Variants in MLLT3 observed in about 807,000 individuals in gnomAD.
MLLT3 encodes MLLT3 super elongation complex subunit, also known as protein AF-9.
Under a neutral mutation model 53.2 loss-of-function variants are expected in MLLT3, and 4 were observed. The observed-to-expected ratio is 0.08, with a 90% confidence interval of 0.04 to 0.17. MLLT3 has a LOEUF of 0.17. Ranked by LOEUF, MLLT3 falls within the 10% of genes least tolerant of loss-of-function variation. The probability of loss-of-function intolerance (pLI) is 1.00; values close to 1 mark genes in which losing one functional copy is unlikely to be tolerated. For missense variants in MLLT3, 569 were observed against 684.0 expected (o/e 0.83, Z 1.87); for synonymous variants, 283 against 230.6 (o/e 1.23, Z -2.06).
intron 2 of MLLT3, among the ~76,000 whole-genome samples, chr9:20,564,159 T>A (rs1292553787): frequency 1.3e-5 from 2 of 152,150 alleles, no homozygotes; most frequent in Non-Finnish European, 2.9e-5. Context: ...GTGCATACCC[T>A]TCCCTGGATG....
chr9:20,451,532 T>A (rs1013147242), intron 3 of MLLT3, among the ~76,000 whole-genome samples: 1 of 152,076 alleles, frequency 6.6e-6, no homozygotes, highest in Non-Finnish European at 1.5e-5. Context: ...TTTTTAAAGA[T>A]TTTTTTTAAG....
Position 20,344,605 on chromosome 9 carries a change from G to C in MLLT3, c.*1838C>G. 1 of 210,766 alleles carries C rather than the reference G, an allele frequency of 4.7e-6. No individual in the cohort carries two copies. The highest frequency in any genetic ancestry group is 9.6e-6 in the Non-Finnish European group (1 of 103,660). The allele number at this position is 210,766 out of a possible 1,614,324, so 13.1% of individuals were successfully genotyped here. ...TAAGAATCATAACATTATTGAGAAA[G>C]TACACTTGTCCTCTGGGAGGACGCT... On this transcript the variant is annotated 3_prime_UTR_variant, in exon 11 of 11. Transcript: ENST00000380338.
intron 2 of MLLT3, among the ~76,000 whole-genome samples, chr9:20,616,735 C>T (rs1459135029): frequency 6.6e-6 from 1 of 152,036 alleles, no homozygotes. Flanking sequence ...ATAGATATAC[C>T]TCTTTTTATA....
At chr9:20,610,667 C>T (rs1190864344) in intron 2 of MLLT3, among the ~76,000 whole-genome samples, 2 of 152,086 alleles carry the variant, frequency 1.3e-5, no homozygotes, top group Non-Finnish European at 2.9e-5. Flanking sequence ...ACATAGGTCC[C>T]ATCCTTTCTG....
At position 20,360,760 on chromosome 9, in the gene MLLT3, T is replaced by C; in HGVS notation, c.1413A>G (p.Leu471=). ...AATTTACCTGGTTGTTGTTGGTTTT[T>C]AGTAAGGGTGGTGGAGGTTCGTGAT... The part of the protein sequence containing the change: ...PLHHEPPPPL[L]KTNNNQILEV... The change falls in exon 8 of 11, where the codon CTA becomes CTG. Residue 471 remains leucine, a synonymous_variant. Coordinates refer to ENST00000380338, the MANE Select transcript of MLLT3 (RefSeq NM_004529.4). 1 of 1,614,050 alleles carries C rather than the reference T, an allele frequency of 6.2e-7. No individual in the cohort carries two copies. Among genetic ancestry groups the C allele is most frequent in the South Asian group, 1.1e-5 (1 of 91,070 alleles).
chr9:20,571,940 G>C (rs550148062), intron 2 of MLLT3, among the ~76,000 whole-genome samples: 2 of 152,200 alleles, frequency 1.3e-5, no homozygotes. Flanking sequence ...ATGTACATTA[G>C]TATAGCCATT....
intron 2 of MLLT3, among the ~76,000 whole-genome samples, chr9:20,561,321 T>C (rs138851319): frequency 1.3e-5 from 2 of 152,210 alleles, no homozygotes; most frequent in African/African-American, 4.8e-5. Flanking sequence ...ATTTTAAAAA[T>C]AGCAATCAAG....
In MLLT3 at chr9:20,343,719, T is replaced by C. The variant is rs1820797958; in HGVS notation, c.*2724A>G. ...TACCCAATTAATTTTATTTGAAACA[T>C]CTATTTATATATGTACACCAAAGAA... On this transcript the variant is annotated 3_prime_UTR_variant, in exon 11 of 11. Coordinates refer to ENST00000380338, the MANE Select transcript of MLLT3 (RefSeq NM_004529.4). The C allele has an allele frequency of 4.6e-6, 1 of 219,152 alleles. No homozygotes were observed. Among genetic ancestry groups the C allele is most frequent in the Non-Finnish European group, 9.2e-6 (1 of 109,222 alleles). The allele number at this position is 219,152 out of a possible 1,614,324, so 13.6% of individuals were successfully genotyped here. A position where few individuals can be genotyped will look rare whatever the true frequency, so the allele number is the denominator to read the frequency against.
chr9:20,593,985 G>C (rs1320344622), intron 2 of MLLT3, among the ~76,000 whole-genome samples: 1 of 149,756 alleles, frequency 6.7e-6, no homozygotes. Context: ...CTGTTGCCCA[G>C]GCTGGAGTGC....
chr9:20,523,805 CA>C (rs1046697102), intron 2 of MLLT3, among the ~76,000 whole-genome samples: 1 of 151,476 alleles, frequency 6.6e-6, no homozygotes, highest in South Asian at 2.1e-4. Flanking sequence ...CCCATCTCTA[CA>C]AAAAAAATAC....
At chr9:20,450,720 T>C (rs1823816875) in intron 3 of MLLT3, among the ~76,000 whole-genome samples, 1 of 152,208 alleles carries the variant, frequency 6.6e-6, no homozygotes, top group African/African-American at 2.4e-5. Flanking sequence ...CCCAATATAA[T>C]CTGAATTAGA....
intron 5 of MLLT3, among the ~76,000 whole-genome samples, chr9:20,412,681 T>G (rs1319834694): frequency 6.6e-6 from 1 of 152,202 alleles, no homozygotes; most frequent in East Asian, 1.9e-4. Context: ...CCAGATAGCT[T>G]CCTTGACCAT....
At chr9:20,348,970 A>C (rs1587138298) in intron 10 of MLLT3, among the ~76,000 whole-genome samples, 1 of 152,236 alleles carries the variant, frequency 6.6e-6, no homozygotes, top group African/African-American at 2.4e-5. Flanking sequence ...TTTGTGCAAA[A>C]ATACTATGAA....
Position 20,354,874 on chromosome 9 carries a change from A to G in MLLT3, c.1437T>C (p.Leu479=), listed in dbSNP as rs780669004. The G allele has an allele frequency of 6.2e-7, 1 of 1,610,814 alleles. No individual in the cohort carries two copies. The change falls in exon 9 of 11, where the codon CTT becomes CTC. Residue 479 remains leucine (L), a synonymous_variant. Transcript: ENST00000380338. ...PLLKTNNNQI[L]EVKSPIKQSK... is the part of the protein sequence containing the mutation. The stretch of plus-strand genomic sequence containing the variant: ...TTTGCTTTATTGGACTTTTCACTTC[A>G]AGAATCTAGGGATCAAAGAGAACGC...
chr9:20,568,923 T>C (rs2131161419), intron 2 of MLLT3, among the ~76,000 whole-genome samples: 1 of 152,234 alleles, frequency 6.6e-6, no homozygotes, highest in East Asian at 1.9e-4. Flanking sequence ...TCCAAGAATT[T>C]AAGAATCACA....
At chr9:20,493,303 C>A (rs1009182827) in intron 2 of MLLT3, among the ~76,000 whole-genome samples, 7 of 151,926 alleles carry the variant, frequency 4.6e-5, no homozygotes, top group Non-Finnish European at 5.9e-5. Context: ...AAATAAGTTT[C>A]CAGCCTTTTC....
At chr9:20,566,794 G>A (rs1819388128) in intron 2 of MLLT3, among the ~76,000 whole-genome samples, 1 of 152,126 alleles carries the variant, frequency 6.6e-6, no homozygotes, top group African/African-American at 2.4e-5. Flanking sequence ...AGATTAAGAA[G>A]GAGGAAAAAG....
chr9:20,559,150 C>T (rs1587068553), intron 2 of MLLT3, among the ~76,000 whole-genome samples: 2 of 152,062 alleles, frequency 1.3e-5, no homozygotes, highest in African/African-American at 2.4e-5. Flanking sequence ...TTTGTTTTTA[C>T]TAAAAATAAT....
chr9:20,422,086 G>C (rs183883194), intron 4 of MLLT3, among the ~76,000 whole-genome samples: 4 of 152,196 alleles, frequency 2.6e-5, no homozygotes, highest in East Asian at 1.9e-4. Flanking sequence ...ACATGTCTCA[G>C]TCAATGGGCA....
Sources: allele counts gnomAD v4.1 joint callset (sites outside exome capture counted in the v4.1 genomes callset), GRCh38; gene constraint gnomAD v4.1.1; transcripts MANE v1.5; gene names NCBI Gene and HGNC (gene_info 2026-07-23, HGNC 2026-07-21).